Variants in ABHD5 observed in about 807,000 individuals in gnomAD.
ABHD5 encodes the protein 1-acylglycerol-3-phosphate O-acyltransferase ABHD5.
ABHD5 carries 30 observed loss-of-function variants against 44.9 expected under a neutral mutation model. That is an observed-to-expected ratio of 0.67 (90% CI 0.50 to 0.91). ABHD5 has a LOEUF of 0.91. Among genes scored for constraint, ABHD5 ranks in the 40% least tolerant of loss-of-function variants. The pLI, the probability that ABHD5 is intolerant of heterozygous loss-of-function variation, is 0.00. For synonymous variants in ABHD5, 167 were observed against 147.0 expected, an observed-to-expected ratio of 1.14 and a Z score of -0.99; for missense variants, 399 against 423.4, an observed-to-expected ratio of 0.94 and a Z score of 0.50.
In ABHD5 at chr3:43,721,461, T is replaced by A. The variant is rs894417530; in HGVS notation, c.*2929T>A. 2.0e-5 allele frequency: 3 copies of A among 151,788 alleles called. No homozygotes were observed. The highest frequency in any genetic ancestry group is 7.3e-5 in the African/African-American group (3 of 41,300). 9.4% of individuals were successfully genotyped at this position (151,788 alleles called of 1,614,324 possible). A position where few individuals can be genotyped will look rare whatever the true frequency, so the allele number is the denominator to read the frequency against. Reference sequence around the variant, plus strand: ...AGAATTTTCAGCCAGATGGAATGGCTCATGGCTGTAATCCCAGCATTTTGG... The same window carrying A: ...AGAATTTTCAGCCAGATGGAATGGCACATGGCTGTAATCCCAGCATTTTGG... On this transcript the variant is annotated 3_prime_UTR_variant, in exon 7 of 7. Coordinates refer to ENST00000644371, the MANE Select transcript of ABHD5 (RefSeq NM_016006.6).
intron 3 of ABHD5, among the ~76,000 whole-genome samples, chr3:43,703,187 T>TC (rs1218682954): frequency 1.3e-5 from 2 of 151,520 alleles, no homozygotes; most frequent in East Asian, 3.9e-4. Flanking sequence ...TTTAACTTTT[T>TC]TTTTTTTTAA....
chr3:43,714,919 T>C lies in ABHD5; in HGVS notation c.662-28T>C, dbSNP rs752884362. 2.0e-6 allele frequency: 3 copies of C among 1,502,946 alleles called. No individual in the cohort carries two copies. In the South Asian group the frequency reaches 3.4e-5, roughly 17 times the overall value. 93.1% of individuals were successfully genotyped at this position (1,502,946 alleles called of 1,614,324 possible). ...GATAAGTTAACTATAATTTAAAACA[T>C]GCATTTTTTAAATTTCCTGTTAAAT... On this transcript the variant is annotated intron_variant, in intron 4 of 6. Coordinates refer to ENST00000644371, the MANE Select transcript of ABHD5 (RefSeq NM_016006.6).
At chr3:43,712,205 G>A (rs2084698097) in intron 4 of ABHD5, among the ~76,000 whole-genome samples, 1 of 152,116 alleles carries the variant, frequency 6.6e-6, no homozygotes, top group African/African-American at 2.4e-5. Context: ...CAGGGCCTGG[G>A]AGAAGTGTAG....
intron 2 of ABHD5, among the ~76,000 whole-genome samples, chr3:43,700,576 AT>A (rs35935629): frequency 0.11 from 15,945 of 144,482 alleles, 1,158 homozygotes; most frequent in South Asian, 0.22. Flanking sequence ...TCTTTCATGA[AT>A]TTTTTTTTTT....
At chr3:43,732,149 G>A (rs1697245986) in intron 7 of ABHD5, among the ~76,000 whole-genome samples, 1 of 151,942 alleles carries the variant, frequency 6.6e-6, no homozygotes, top group South Asian at 2.1e-4. Context: ...TAGAGGGGAG[G>A]GCTTGGCACG....
At chr3:43,713,590 A>G (rs2084717372) in intron 4 of ABHD5, among the ~76,000 whole-genome samples, 1 of 152,166 alleles carries the variant, frequency 6.6e-6, no homozygotes, top group Non-Finnish European at 1.5e-5. Context: ...CAGTGCTCAC[A>G]GATGGCACAT....
At chr3:43,711,016 T>G (rs2084682300) in intron 3 of ABHD5, among the ~76,000 whole-genome samples, 1 of 152,204 alleles carries the variant, frequency 6.6e-6, no homozygotes, top group Non-Finnish European at 1.5e-5. Context: ...TATCTCTTGG[T>G]CAATGAAAAA....
At chr3:43,706,568 A>G (rs979545753) in intron 3 of ABHD5, among the ~76,000 whole-genome samples, 1 of 151,976 alleles carries the variant, frequency 6.6e-6, no homozygotes, top group South Asian at 2.1e-4. Flanking sequence ...CTTACACTCA[A>G]CAAACCTCCC....
chr3:43,729,136 AGTT>A lies in ABHD5; in HGVS notation c.*30-4743_*30-4741del, dbSNP rs1167435331. 2.6e-5 allele frequency among the ~76,000 whole-genome samples: 4 copies of A among 152,206 alleles called. No individual in the cohort carries two copies. The East Asian group carries it at 7.7e-4, about 29-fold the overall frequency. On this transcript the variant is annotated intron_variant, in intron 7 of 7. Coordinates refer to the ABHD5 transcript ENST00000454293. ...AGATCCCTCCTTGTGGAAAAGCAGTAGTTCTCTTCCCCAGAAAGGACTGGGGTC... is the reference window on the plus strand; with the variant it reads ...AGATCCCTCCTTGTGGAAAAGCAGTACTCTTCCCCAGAAAGGACTGGGGTC...
At chr3:43,694,714 G>T (rs73829509) in intron 1 of ABHD5, among the ~76,000 whole-genome samples, 1 of 145,904 alleles carries the variant, frequency 6.9e-6, no homozygotes, top group East Asian at 1.9e-4. Context: ...TTACAGGTTG[G>T]GGGGGGAGGG....
In ABHD5 at chr3:43,715,302, A is replaced by C. The variant is rs948544473; in HGVS notation, c.773+244A>C. On this transcript the variant is annotated intron_variant, in intron 5 of 6. Coordinates refer to ENST00000644371, the MANE Select transcript of ABHD5 (RefSeq NM_016006.6). ...CAGCCTCCTGAGTAGCTGGGATTAC[A>C]GGCATGTGCCACCACGCCCGGCTAA... Among the ~76,000 whole-genome samples, 8 of 152,230 alleles carry C rather than the reference A, an allele frequency of 5.3e-5. No individual in the cohort carries two copies. In the East Asian group the frequency reaches 1.5e-3, roughly 29 times the overall value.
chr3:43,714,663 A>G lies in ABHD5; in HGVS notation c.662-284A>G, dbSNP rs114594317. Among the ~76,000 whole-genome samples, 200 of 152,352 alleles carry G rather than the reference A, an allele frequency of 1.3e-3. 1 individual carries two copies. Among genetic ancestry groups the G allele is most frequent in the African/African-American group, 4.7e-3 (196 of 41,592 alleles). On this transcript the variant is annotated intron_variant, in intron 4 of 6. Transcript: ENST00000644371. ...CCACGTTTAAAGAATTTATTTACCT[A>G]CAAAAGTGCCTTCTAACTTACATGT...
downstream of ABHD5, among the ~76,000 whole-genome samples, chr3:43,722,914 C>T (rs1181099070): frequency 6.6e-6 from 1 of 152,138 alleles, no homozygotes; most frequent in Non-Finnish European, 1.5e-5. Flanking sequence ...TATTGCATAG[C>T]TTTGTTCACT....
chr3:43,700,456 C>T (rs146022331), intron 2 of ABHD5, among the ~76,000 whole-genome samples: 80 of 152,278 alleles, frequency 5.3e-4, no homozygotes, highest in African/African-American at 1.8e-3. Flanking sequence ...GATGTTTGTA[C>T]ATGCCTGTTT....
chr3:43,724,632 A>G (rs1345799973), downstream of ABHD5, among the ~76,000 whole-genome samples: 2 of 152,194 alleles, frequency 1.3e-5, no homozygotes, highest in Non-Finnish European at 2.9e-5. Flanking sequence ...AGATCTCTAT[A>G]TAAGTGGCAA....
intron 5 of ABHD5, among the ~76,000 whole-genome samples, chr3:43,717,208 A>G (rs2084775561): frequency 6.6e-6 from 1 of 151,998 alleles, no homozygotes; most frequent in Non-Finnish European, 1.5e-5. Flanking sequence ...AAAAAAATGA[A>G]TAGCAGAAGT....
intron 7 of ABHD5, among the ~76,000 whole-genome samples, chr3:43,729,329 AAT>A (rs2149612573): frequency 6.6e-6 from 1 of 152,352 alleles, no homozygotes; most frequent in East Asian, 1.9e-4. Flanking sequence ...AGGCTCCGCA[AAT>A]ATCTCATCCT....
At chr3:43,700,237 A>G (rs1226685141) in intron 2 of ABHD5, among the ~76,000 whole-genome samples, 1 of 152,168 alleles carries the variant, frequency 6.6e-6, no homozygotes, top group Non-Finnish European at 1.5e-5. Context: ...AGGATTCTAT[A>G]TTTATAGTGG....
At chr3:43,707,497 T>TTGGA (rs1427170393) in intron 3 of ABHD5, among the ~76,000 whole-genome samples, 2 of 152,224 alleles carry the variant, frequency 1.3e-5, no homozygotes, top group Non-Finnish European at 2.9e-5. Flanking sequence ...CACCAATGGC[T>TTGGA]TGGAGCCAAT....
Sources: gnomAD v4.1 joint callset for allele counts (sites outside exome capture counted in the v4.1 genomes callset) on GRCh38, gnomAD v4.1.1 for gene constraint, MANE v1.5 for transcripts, NCBI Gene and HGNC (gene_info 2026-07-23, HGNC 2026-07-21) for gene names.